JAG1: variants seen among roughly 807,000 people sequenced by gnomAD.
JAG1 encodes the protein protein jagged-1.
A neutral mutation model predicts 148.7 loss-of-function variants in JAG1; 23 were observed. That is an observed-to-expected ratio of 0.15 (90% confidence interval 0.11 to 0.22). The LOEUF (loss-of-function observed/expected upper bound fraction) is 0.22. Ranked by LOEUF, JAG1 falls within the 10% of genes least tolerant of loss-of-function variation. JAG1 has a pLI of 1.00. For missense variants in JAG1, 1,054 were observed against 1,611.2 expected (o/e 0.65, Z 5.92); for synonymous variants, 572 against 598.3 (o/e 0.96, Z 0.64).
At chr20:10,665,766 G>A (rs568841867) in intron 2 of JAG1, among the ~76,000 whole-genome samples, 6 of 152,096 alleles carry the variant, frequency 3.9e-5, no homozygotes, top group Non-Finnish European at 7.3e-5. Context: ...TTGCACAAGC[G>A]CTAAACACAT....
At chr20:10,646,452 C>T (rs1215183031) in intron 14 of JAG1, 1 of 366,950 alleles carries the variant, frequency 2.7e-6, no homozygotes, top group Non-Finnish European at 5.3e-6. Context: ...GTCTTAGATC[C>T]CAGATGTAAG....
At chr20:10,650,979 A>T (rs2067342132) in intron 8 of JAG1, 1 of 159,336 alleles carries the variant, frequency 6.3e-6, no homozygotes, top group South Asian at 1.8e-4. Context: ...CAGCACAGGC[A>T]ATCTGACCCC....
Position 10,645,516 on chromosome 20 carries a change from A to G in JAG1, c.2000-47T>C. 1 of 1,484,494 alleles carries G rather than the reference A, an allele frequency of 6.7e-7. No individual in the cohort carries two copies. Among genetic ancestry groups the G allele is most frequent in the Non-Finnish European group, 9.4e-7 (1 of 1,063,830 alleles). 92.0% of individuals were successfully genotyped at this position (1,484,494 alleles called of 1,614,324 possible). A position where few individuals can be genotyped will look rare whatever the true frequency, so the allele number is the denominator to read the frequency against. ...TCGGCTGAAGACGAGATCCAGGACCATTCACGACAGGCGAGAGCCAAGCCT... is the reference window on the plus strand; with the variant it reads ...TCGGCTGAAGACGAGATCCAGGACCGTTCACGACAGGCGAGAGCCAAGCCT... On this transcript the variant is annotated intron_variant, in intron 15 of 25. Coordinates refer to ENST00000254958, the MANE Select transcript of JAG1 (RefSeq NM_000214.3). The surrounding 1 kb of genome is among the most constrained non-coding windows in gnomAD (Gnocchi z 6.1).
chr20:10,645,340 G>A lies in JAG1; in HGVS notation c.2113+16C>T, dbSNP rs2067301201. The A allele has an allele frequency of 6.2e-7, 1 of 1,609,088 alleles. No homozygotes were observed. Among genetic ancestry groups the A allele is most frequent in the Middle Eastern group, 1.7e-4 (1 of 6,058 alleles). ...AAGGGTCCCAGAGATAGCATCCAAG[G>A]CCAACTACCACTTACGTGAGTGGCA... On this transcript the variant is annotated intron_variant, in intron 16 of 25. Coordinates refer to ENST00000254958, the MANE Select transcript of JAG1 (RefSeq NM_000214.3). This position sits in a 1 kb window ranked among gnomAD's most constrained non-coding sequence, Gnocchi z 6.1.
intron 14 of JAG1, 192 bp from the exon 15 acceptor site, chr20:10,646,276 C>G: frequency 1.6e-6 from 1 of 613,420 alleles, no homozygotes; most frequent in Non-Finnish European, 3.0e-6. Flanking sequence ...GTGCCTTACC[C>G]ACTTAATGCC....
rs1357955456 is a variant in JAG1 at position 10,638,424 on chromosome 20, C to A, written c.*1074G>T. On this transcript the variant is annotated 3_prime_UTR_variant, in exon 26 of 26. Coordinates refer to ENST00000254958, the MANE Select transcript of JAG1 (RefSeq NM_000214.3). Reference sequence around the variant, plus strand: ...TTTGATATTTTTAATCATATTCAACCACTCACATTTTGGCTATGTTAAGTC... The same window carrying A: ...TTTGATATTTTTAATCATATTCAACAACTCACATTTTGGCTATGTTAAGTC... 6.6e-6 allele frequency: 1 copy of A among 152,572 alleles called. No homozygotes were observed. Among genetic ancestry groups the A allele is most frequent in the Admixed American group, 6.5e-5 (1 of 15,278 alleles). 9.5% of individuals were successfully genotyped at this position (152,572 alleles called of 1,614,324 possible).
intron 3 of JAG1, among the ~76,000 whole-genome samples, chr20:10,660,910 GAGGAGGTGATGA>G (rs2067412584): frequency 6.6e-6 from 1 of 152,210 alleles, no homozygotes; most frequent in Non-Finnish European, 1.5e-5. Flanking sequence ...GCAGGCCAAG[GAGGAGGTGATGA>G]AGGGCGAGTC....
rs2067392416 is a variant in JAG1 at position 10,658,399 on chromosome 20, T to G, written c.694+69A>C. 3.1e-6 allele frequency: 5 copies of G among 1,587,550 alleles called. No individual in the cohort carries two copies. In the African/African-American group the frequency reaches 5.4e-5, roughly 17 times the overall value. ...CTGAGATAGCCGCATGCCACCTGCC[T>G]GCTGGTGGGGTGATAAATGGACACT... On this transcript the variant is annotated intron_variant, in intron 4 of 25. Transcript: ENST00000254958.
intron 2 of JAG1, among the ~76,000 whole-genome samples, 184 bp from the exon 3 acceptor site, chr20:10,664,198 C>A (rs1208245176): frequency 6.6e-6 from 1 of 152,170 alleles, no homozygotes; most frequent in Non-Finnish European, 1.5e-5. Flanking sequence ...CCTTTGTCAG[C>A]ACTCTTCCCA....
rs188338239 is a variant in JAG1, at chr20:10,654,122, A to G, written c.756-1524T>C. Among the ~76,000 whole-genome samples the G allele has an allele frequency of 3.6e-4, 55 of 152,356 alleles. No homozygotes were observed. In the East Asian group the frequency reaches 9.6e-3, roughly 27 times the overall value. On this transcript the variant is annotated intron_variant, in intron 5 of 25. Coordinates refer to ENST00000254958, the MANE Select transcript of JAG1 (RefSeq NM_000214.3). ...GAAAGATAGTAAGAGGGAACTGATT[A>G]CGAAATGGCAATATTCTCACCGTCT...
chr20:10,647,169 G>A, intron 13 of JAG1, 66 bp from the exon 14 acceptor site: 8 of 1,597,358 alleles, frequency 5.0e-6, no homozygotes, highest in Non-Finnish European at 6.9e-6. Context: ...CTAAGCCAAG[G>A]GCCTGGGCCA....
intron 7 of JAG1, 98 bp downstream of exon 7, chr20:10,652,033 T>G: frequency 7.3e-7 from 1 of 1,365,648 alleles, no homozygotes; most frequent in Non-Finnish European, 1.0e-6. Flanking sequence ...GAAGCTATTT[T>G]CACTTTTTTT....
rs1267587771 is a variant in JAG1 at position 10,658,517 on chromosome 20, A to C, written c.645T>G (p.Asn215Lys). ...DFFGHYACDQ[N>K]GNKTCMEGWM... ...AGCCTTCCATGCAAGTTTTGTTGCC[A>C]TTCTGGTCACAGGCATAGTGTCCAA... The change falls in exon 4 of 26, where the codon AAT (asparagine) becomes AAG (lysine). Residue 215 changes from asparagine (N) to lysine (K), a missense_variant. By Grantham distance (94) the Asn-to-Lys change is moderately conservative. This residue lies in a region of JAG1 where 104 missense variants were observed against 235.2 expected (regional missense o/e 0.44). Transcript: ENST00000254958. 1 of 1,614,220 alleles carries C rather than the reference A, an allele frequency of 6.2e-7. No individual in the cohort carries two copies. Among genetic ancestry groups the C allele is most frequent in the Non-Finnish European group, 8.5e-7 (1 of 1,180,032 alleles).
Position 10,644,852 on chromosome 20 carries a change from A to C in JAG1, c.2344+11T>G. The C allele has an allele frequency of 2.5e-6, 4 of 1,587,834 alleles. 1 individual carries two copies. The South Asian group carries it at 4.4e-5, about 18-fold the overall frequency. The stretch of plus-strand genomic sequence containing the variant: ...CAGCCCTGGGAGAGTTCAAGGGGGG[A>C]GGACACTCACTCTGAGCACAGATGG... On this transcript the variant is annotated intron_variant, in intron 18 of 25. Transcript: ENST00000254958.
At chr20:10,654,010 CA>C (rs141094380) in intron 5 of JAG1, among the ~76,000 whole-genome samples, 8,586 of 152,296 alleles carry the variant, frequency 0.056, 320 homozygotes, top group Admixed American at 0.09. Context: ...AACAAAATTA[CA>C]ATCTAAATAA....
Position 10,639,145 on chromosome 20 carries a change from A to G in JAG1, c.*353T>C, listed in dbSNP as rs916435598. The G allele has an allele frequency of 3.2e-6, 1 of 308,162 alleles. No individual in the cohort carries two copies. The highest frequency in any genetic ancestry group is 6.3e-6 in the Non-Finnish European group (1 of 158,936). The allele number at this position is 308,162 out of a possible 1,614,324, so 19.1% of individuals were successfully genotyped here. On this transcript the variant is annotated 3_prime_UTR_variant, in exon 26 of 26. Coordinates refer to ENST00000254958, the MANE Select transcript of JAG1 (RefSeq NM_000214.3). ...AAACAACTCAAGAGTCAATAAATAT[A>G]AATAAAACTATGATCTAAGACTGCA...
chr20:10,648,472 G>A, intron 12 of JAG1, 77 bp downstream of exon 12: 1 of 1,223,962 alleles, frequency 8.2e-7, no homozygotes, highest in Non-Finnish European at 1.2e-6. Flanking sequence ...AAGAGCTGAG[G>A]GAAAAGTAAA....
At chr20:10,640,706 C>G in intron 25 of JAG1, 77 bp downstream of exon 25, 1 of 1,498,982 alleles carries the variant, frequency 6.7e-7, no homozygotes, top group Non-Finnish European at 9.3e-7. Context: ...GATAATCCCT[C>G]GACCTGATGG....
chr20:10,641,520 G>T lies in JAG1; in HGVS notation c.2856C>A (p.Ser952=). The change falls in exon 23 of 26, where the codon TCC becomes TCA. Residue 952 remains serine, a synonymous_variant. Coordinates refer to ENST00000254958, the MANE Select transcript of JAG1 (RefSeq NM_000214.3). ...QPVKTKCTSD[S]YYQDNCANIT... ...TGTTCGCACAGTTATCCTGGTAATA[G>T]GAGTCAGAGGTGCACTTTGTCTTCA... The T allele has an allele frequency of 1.2e-6, 2 of 1,614,218 alleles. No individual in the cohort carries two copies.
Sources: gnomAD v4.1 joint callset for allele counts (sites outside exome capture counted in the v4.1 genomes callset) on GRCh38, gnomAD v4.1.1 for gene constraint, gnomAD v4.1.1 regional missense constraint, Gnocchi (gnomAD v3.1) non-coding constraint, MANE v1.5 for transcripts, NCBI Gene and HGNC (gene_info 2026-07-23, HGNC 2026-07-21) for gene names.